Variants in ESF1 observed in about 807,000 individuals in gnomAD.
ESF1 encodes the protein ESF1 nucleolar pre-rRNA processing protein, also known as ESF1 homolog.
A neutral mutation model predicts 92.0 loss-of-function variants in ESF1; 58 were observed. The observed-to-expected ratio is 0.63, with a 90% CI of 0.51 to 0.78. The LOEUF is 0.78. Among genes scored for constraint, ESF1 ranks in the 30% least tolerant of loss-of-function variants. The probability of loss-of-function intolerance (pLI) is 0.00; values close to 1 mark genes in which losing one functional copy is unlikely to be tolerated. For missense variants in ESF1, 922 were observed against 989.1 expected (o/e 0.93, Z 0.91); for synonymous variants, 321 against 313.7 (o/e 1.02, Z -0.24).
intron 10 of ESF1, among the ~76,000 whole-genome samples, chr20:13,729,414 C>CA (rs1288137235): frequency 6.6e-6 from 1 of 152,058 alleles, no homozygotes; most frequent in Admixed American, 6.5e-5. Context: ...CATAAATAGA[C>CA]AAATACATAA....
In ESF1 at chr20:13,763,235, G is replaced by A. The variant is rs1040772436; in HGVS notation, c.1667-3382C>T. Among the ~76,000 whole-genome samples the A allele has an allele frequency of 2.0e-5, 3 of 152,088 alleles. No homozygotes were observed. In the South Asian group the frequency reaches 6.2e-4, roughly 32 times the overall value. ...TTTCAGTATTTCCAACCATAAGCCT[G>A]GTATTATTAGATCCTCATTTCACAG... On this transcript the variant is annotated intron_variant, in intron 8 of 13. Coordinates refer to ENST00000617257, the MANE Select transcript of ESF1 (RefSeq NM_001276380.2).
At chr20:13,744,603 C>T (rs2147744045) in intron 9 of ESF1, among the ~76,000 whole-genome samples, 1 of 152,336 alleles carries the variant, frequency 6.6e-6, no homozygotes, top group African/African-American at 2.4e-5. Flanking sequence ...GTTCCAGCCA[C>T]ACTGGCCTCC....
rs182886873 is a variant in ESF1 at position 13,734,049 on chromosome 20, A to G, written c.1829-207T>C. 3.8e-3 allele frequency among the ~76,000 whole-genome samples: 574 copies of G among 152,312 alleles called. 3 individuals carry two copies. The highest frequency in any genetic ancestry group is 0.013 in the African/African-American group (526 of 41,576). On this transcript the variant is annotated intron_variant, in intron 9 of 13. Transcript: ENST00000617257. ...AAGTTATTTCCTAATAACAAACAAC[A>G]ATAACCTAACCAAACAAAATCAAAA...
chr20:13,761,405 CA>C (rs1191550998), intron 8 of ESF1, among the ~76,000 whole-genome samples: 1 of 132,632 alleles, frequency 7.5e-6, no homozygotes, highest in Non-Finnish European at 1.6e-5. Context: ...AATAAAAATA[CA>C]AAAAATTAAA....
chr20:13,752,539 A>G (rs1978687345), intron 9 of ESF1, among the ~76,000 whole-genome samples: 1 of 152,270 alleles, frequency 6.6e-6, no homozygotes, highest in African/African-American at 2.4e-5. Flanking sequence ...TTGGCAATAA[A>G]TGAAAATGGA....
chr20:13,741,025 A>C (rs530688245), intron 9 of ESF1, among the ~76,000 whole-genome samples: 1 of 152,148 alleles, frequency 6.6e-6, no homozygotes, highest in South Asian at 2.1e-4. Context: ...TGCCCCCAGG[A>C]ATCATCCCAC....
At chr20:13,716,694 G>A (rs916052377) in intron 13 of ESF1, among the ~76,000 whole-genome samples, 10 of 144,242 alleles carry the variant, frequency 6.9e-5, no homozygotes, top group African/African-American at 2.6e-4. Context: ...AGGCTGGAGT[G>A]CAGTGCCACA....
At chr20:13,762,205 TA>T (rs1220258962) in intron 8 of ESF1, among the ~76,000 whole-genome samples, 12 of 152,202 alleles carry the variant, frequency 7.9e-5, no homozygotes, top group Non-Finnish European at 1.5e-4. Context: ...TTTCTATATG[TA>T]TATATTGTTT....
intron 9 of ESF1, among the ~76,000 whole-genome samples, chr20:13,756,429 G>A (rs773636246): frequency 2.6e-5 from 4 of 152,056 alleles, no homozygotes; most frequent in South Asian, 2.1e-4. Context: ...CGATAATTCC[G>A]TGAAACTGAC....
intron 11 of ESF1, among the ~76,000 whole-genome samples, chr20:13,724,831 C>T (rs1298571154): frequency 2.6e-5 from 4 of 152,084 alleles, no homozygotes; most frequent in Admixed American, 6.6e-5. Context: ...TGAATAACCA[C>T]GTACATGAAT....
chr20:13,723,184 AG>A (rs977964420), intron 11 of ESF1, among the ~76,000 whole-genome samples: 20 of 152,210 alleles, frequency 1.3e-4, no homozygotes, highest in Admixed American at 9.2e-4. Flanking sequence ...AGAGAAGCTA[AG>A]AAAGTTCACT....
At chr20:13,732,903 CTTATTTATTTATTTATTTAT>C (rs59748081) in intron 10 of ESF1, among the ~76,000 whole-genome samples, 14 of 147,440 alleles carry the variant, frequency 9.5e-5, no homozygotes, top group South Asian at 2.2e-4. Flanking sequence ...AGGAAATACT[CTTATTTATTTATTTATTTAT>C]TTATTTATTT....
At chr20:13,780,197 C>T (rs545028828) in intron 2 of ESF1, among the ~76,000 whole-genome samples, 2 of 152,160 alleles carry the variant, frequency 1.3e-5, no homozygotes, top group African/African-American at 2.4e-5. Flanking sequence ...TCTGCATGTC[C>T]TTACATAAGT....
intron 9 of ESF1, among the ~76,000 whole-genome samples, chr20:13,737,899 G>T (rs577977320): frequency 6.6e-6 from 1 of 152,026 alleles, no homozygotes; most frequent in Non-Finnish European, 1.5e-5. Flanking sequence ...CAGGTGATCC[G>T]CCCACCTCGG....
chr20:13,718,615 A>G (rs1158853368), intron 12 of ESF1, among the ~76,000 whole-genome samples: 1 of 152,204 alleles, frequency 6.6e-6, no homozygotes, highest in Admixed American at 6.5e-5. Flanking sequence ...TGCCTCAGGT[A>G]TAGTAAGTGT....
At chr20:13,776,376 AAC>A in intron 2 of ESF1, 106 bp from the exon 3 acceptor site, 1 of 1,091,352 alleles carries the variant, frequency 9.2e-7, no homozygotes, top group Non-Finnish European at 1.3e-6. Context: ...ATTTCTATGA[AAC>A]ACAGTAAAGA....
chr20:13,737,662 CT>C (rs999541608), intron 9 of ESF1, among the ~76,000 whole-genome samples: 2 of 151,122 alleles, frequency 1.3e-5, no homozygotes, highest in African/African-American at 2.4e-5. Context: ...GAGTATAAGG[CT>C]TTTTTTTTGA....
At chr20:13,716,642 C>CT (rs1274212917) in intron 13 of ESF1, among the ~76,000 whole-genome samples, 3,670 of 132,872 alleles carry the variant, frequency 0.028, 100 homozygotes, top group African/African-American at 0.06. Flanking sequence ...CTTTTTTTTT[C>CT]TTTTTTTTTT....
chr20:13,757,011 G>A (rs1035167804), intron 9 of ESF1, among the ~76,000 whole-genome samples: 1 of 152,082 alleles, frequency 6.6e-6, no homozygotes, highest in African/African-American at 2.4e-5. Context: ...TAAGTCCACT[G>A]TAGTGAAAGA....
Sources: allele counts gnomAD v4.1 joint callset (sites outside exome capture counted in the v4.1 genomes callset), GRCh38; gene constraint gnomAD v4.1.1; transcripts MANE v1.5; gene names NCBI Gene and HGNC (gene_info 2026-07-23, HGNC 2026-07-21).